Variants in CALN1 observed in about 807,000 individuals in gnomAD.
CALN1 encodes calcium-binding protein 8.
In CALN1, 17 loss-of-function variants were observed where a neutral mutation model predicts 30.6. The ratio of observed to expected loss-of-function variants is 0.56; its 90% confidence interval spans 0.38 to 0.83. The LOEUF is 0.83. Among genes scored for constraint, CALN1 ranks in the 40% least tolerant of loss-of-function variants. The pLI is 0.00. For synonymous variants in CALN1, 156 were observed against 131.4 expected (o/e 1.19, Z -1.28); for missense variants, 291 against 354.9 (o/e 0.82, Z 1.45).
In CALN1 at chr7:71,971,983, AAGAAAGAAAGAG is replaced by A. The variant is rs1170567421; in HGVS notation, c.501+51662_501+51673del. ...AAAGAAAGAAAGAAAGAAAGAAAGA[AAGAAAGAAAGAG>A]AAAGAAAGAAAAAAAGAAAGAAAAG... is the stretch of plus-strand genomic sequence containing the variant. On this transcript the variant is annotated intron_variant, in intron 5 of 6. Transcript: ENST00000395275. Among the ~76,000 whole-genome samples the A allele has an allele frequency of 4.5e-3, 594 of 132,364 alleles. 8 individuals carry two copies. The highest frequency in any genetic ancestry group is 0.014 in the African/African-American group (545 of 37,676). The allele number at this position is 132,364 out of a possible 152,430, so 86.8% of individuals were successfully genotyped here.
chr7:71,999,730 C>T (rs914505653), intron 5 of CALN1, among the ~76,000 whole-genome samples: 3 of 151,968 alleles, frequency 2.0e-5, no homozygotes, highest in Non-Finnish European at 2.9e-5. Flanking sequence ...CCAGGCTGGT[C>T]GCAAACTTCT....
intron 4 of CALN1, among the ~76,000 whole-genome samples, chr7:72,055,152 T>C (rs1803171906): frequency 6.6e-6 from 1 of 152,168 alleles, no homozygotes; most frequent in South Asian, 2.1e-4. Context: ...ACGAGGTAGA[T>C]ATTATTACTA....
At chr7:72,203,533 T>C (rs1791592719) in intron 3 of CALN1, among the ~76,000 whole-genome samples, 1 of 152,128 alleles carries the variant, frequency 6.6e-6, no homozygotes, top group South Asian at 2.1e-4. Flanking sequence ...CCCTTCTCCC[T>C]GGTTTCTGCC....
chr7:72,423,331 T>A (rs1009313773), intron 1 of CALN1, among the ~76,000 whole-genome samples: 46 of 152,178 alleles, frequency 3.0e-4, no homozygotes, highest in African/African-American at 1.1e-3. Flanking sequence ...TTTCCCTTAT[T>A]TCCTCTTTCC....
chr7:71,996,344 A>T (rs1004195107), intron 5 of CALN1, among the ~76,000 whole-genome samples: 1 of 152,246 alleles, frequency 6.6e-6, no homozygotes, highest in African/African-American at 2.4e-5. Context: ...ACTGACTTCA[A>T]TACTGAGATG....
chr7:72,072,271 A>G (rs184902040), intron 4 of CALN1, among the ~76,000 whole-genome samples: 150 of 152,348 alleles, frequency 9.8e-4, no homozygotes, highest in African/African-American at 3.3e-3. Context: ...GTGGTGAGAG[A>G]GAAGCATATT....
chr7:72,019,466 G>A (rs1012393173), intron 5 of CALN1, among the ~76,000 whole-genome samples: 2 of 152,156 alleles, frequency 1.3e-5, no homozygotes, highest in Non-Finnish European at 2.9e-5. Flanking sequence ...AAATGATTGT[G>A]TCCAACTTGA....
intron 2 of CALN1, among the ~76,000 whole-genome samples, chr7:72,390,147 G>C (rs984269158): frequency 6.6e-6 from 1 of 151,972 alleles, no homozygotes; most frequent in African/African-American, 2.4e-5. Flanking sequence ...AAGGGGGATT[G>C]GGGCCGGGCA....
intron 2 of CALN1, among the ~76,000 whole-genome samples, chr7:72,399,520 C>T (rs981152505): frequency 2.0e-5 from 3 of 152,072 alleles, no homozygotes; most frequent in Non-Finnish European, 2.9e-5. Context: ...CCACCCACCT[C>T]GGACTCCCAA....
At chr7:72,314,366 C>CATATATATACACATATATACACATACAT (rs371418054) in intron 2 of CALN1, among the ~76,000 whole-genome samples, 10 of 81,804 alleles carry the variant, frequency 1.2e-4, no homozygotes, top group Non-Finnish European at 4.6e-4. Context: ...TATACATATA[C>CATATATATACACATATATACACATACAT]ATATATACAC....
intron 5 of CALN1, among the ~76,000 whole-genome samples, chr7:71,883,184 C>T (rs150944977): frequency 3.4e-4 from 52 of 152,244 alleles, no homozygotes; most frequent in African/African-American, 1.1e-3. Context: ...CACACACACA[C>T]ATTTTGTTTG....
chr7:72,047,184 T>C (rs1479200023), intron 4 of CALN1, among the ~76,000 whole-genome samples: 1 of 152,178 alleles, frequency 6.6e-6, no homozygotes, highest in Non-Finnish European at 1.5e-5. Flanking sequence ...TTATTCACTA[T>C]CAGAGACAGA....
intron 5 of CALN1, among the ~76,000 whole-genome samples, chr7:71,895,477 G>A (rs919746672): frequency 1.3e-5 from 2 of 152,062 alleles, no homozygotes; most frequent in African/African-American, 4.8e-5. Context: ...TCATTCATTC[G>A]ACAAGAGTGA....
At chr7:72,030,959 G>T (rs844682) in intron 4 of CALN1, among the ~76,000 whole-genome samples, 2 of 151,990 alleles carry the variant, frequency 1.3e-5, no homozygotes, top group African/African-American at 4.8e-5. Flanking sequence ...TGTTGCCCAG[G>T]CTGGCCTCAA....
chr7:72,231,023 T>G (rs1794061312), intron 3 of CALN1, among the ~76,000 whole-genome samples: 1 of 152,172 alleles, frequency 6.6e-6, no homozygotes, highest in Admixed American at 6.5e-5. Context: ...GCATGAATCG[T>G]GCCTTTGTGT....
chr7:72,203,979 CTTTTTTTTTTTTT>C (rs869149598), intron 3 of CALN1, among the ~76,000 whole-genome samples: 7 of 83,774 alleles, frequency 8.4e-5, no homozygotes, highest in Admixed American at 1.5e-4. Context: ...AGGCCTCTCT[CTTTTTTTTTTTTT>C]TTTTTTTTTT....
At chr7:72,280,705 C>CA (rs1450249556) in intron 2 of CALN1, among the ~76,000 whole-genome samples, 15 of 152,106 alleles carry the variant, frequency 9.9e-5, no homozygotes, top group African/African-American at 3.4e-4. Flanking sequence ...AATGTCTCCC[C>CA]AAAATTTTGT....
chr7:71,810,897 T>C (rs1026921846), intron 5 of CALN1, among the ~76,000 whole-genome samples: 122 of 95,368 alleles, frequency 1.3e-3, no homozygotes, highest in African/African-American at 6.1e-3. Flanking sequence ...AGCATGTATC[T>C]TTTTTTTTTT....
chr7:71,784,297 C>G lies in CALN1; in HGVS notation c.*3478G>C, dbSNP rs1792870839. 1 of 152,180 alleles carries G rather than the reference C, an allele frequency of 6.6e-6. No homozygotes were observed. The highest frequency in any genetic ancestry group is 2.4e-5 in the African/African-American group (1 of 41,426). The allele number at this position is 152,180 out of a possible 1,614,324, so 9.4% of individuals were successfully genotyped here. On this transcript the variant is annotated 3_prime_UTR_variant, in exon 7 of 7. Transcript: ENST00000395275. ...GATTCTTTAAGGGTAATTGCCTCTC[C>G]CAGCAGGATACAGATGCAGAGAGTC...
Sources: gnomAD v4.1 joint callset for allele counts (sites outside exome capture counted in the v4.1 genomes callset) on GRCh38, gnomAD v4.1.1 for gene constraint, MANE v1.5 for transcripts, NCBI Gene and HGNC (gene_info 2026-07-23, HGNC 2026-07-21) for gene names.